MCC: variants seen among roughly 807,000 people sequenced by gnomAD.
MCC encodes colorectal mutant cancer protein.
A neutral mutation model predicts 116.2 loss-of-function variants in MCC; 90 were observed. The observed-to-expected ratio is 0.77, with a 90% confidence interval of 0.65 to 0.92. MCC has a LOEUF of 0.92. Ranked by LOEUF, MCC falls within the 40% of genes least tolerant of loss-of-function variation. The pLI, the probability that MCC is intolerant of heterozygous loss-of-function variation, is 0.00. For synonymous variants in MCC, 578 were observed against 510.5 expected (o/e 1.13, Z -1.78); for missense variants, 1,516 against 1,312.2 (o/e 1.16, Z -2.40).
intron 2 of MCC, among the ~76,000 whole-genome samples, chr5:113,362,580 C>T (rs926304836): frequency 3.0e-4 from 46 of 152,028 alleles, no homozygotes; most frequent in African/African-American, 1.1e-3. Context: ...ATGCTAATAT[C>T]TCTCATAATG....
chr5:113,334,382 A>AT (rs1767819954), intron 3 of MCC, among the ~76,000 whole-genome samples: 2 of 150,778 alleles, frequency 1.3e-5, no homozygotes, highest in East Asian at 1.9e-4. Context: ...TAATATTTGT[A>AT]TTTTTTGTAG....
rs148284009 is a variant in MCC at position 113,183,269 on chromosome 5, G to A, written c.628-31847C>T. On this transcript the variant is annotated intron_variant, in intron 3 of 18. Coordinates refer to ENST00000408903, the MANE Select transcript of MCC (RefSeq NM_001085377.2). ...TCTGGAAAATCTAAGCTGTGTGTGC[G>A]TGTGTGTTTGTGTGTGGAGGGGAAG... Among the ~76,000 whole-genome samples the A allele has an allele frequency of 1.1e-3, 162 of 152,292 alleles. 1 individual carries two copies. The highest frequency in any genetic ancestry group is 3.6e-3 in the African/African-American group (149 of 41,556).
chr5:113,078,030 T>C (rs749187642), intron 11 of MCC, among the ~76,000 whole-genome samples: 8 of 152,168 alleles, frequency 5.3e-5, no homozygotes, highest in Non-Finnish European at 1.2e-4. Flanking sequence ...TAAACACCTC[T>C]ACACAAATAA....
intron 1 of MCC, among the ~76,000 whole-genome samples, chr5:113,477,987 G>C (rs1187505086): frequency 6.6e-6 from 1 of 152,202 alleles, no homozygotes; most frequent in Non-Finnish European, 1.5e-5. Context: ...GGAATTGGCA[G>C]ATAAGAATTT....
chr5:113,161,977 G>A (rs1760511105), intron 3 of MCC, among the ~76,000 whole-genome samples: 1 of 152,234 alleles, frequency 6.6e-6, no homozygotes, highest in Admixed American at 6.5e-5. Context: ...GCTGCTGACG[G>A]ATGGGCCATT....
chr5:113,150,176 A>G (rs1035346138), intron 4 of MCC, among the ~76,000 whole-genome samples: 1 of 152,200 alleles, frequency 6.6e-6, no homozygotes, highest in African/African-American at 2.4e-5. Context: ...AGCAGGTAAA[A>G]GGAACAGAGC....
intron 1 of MCC, among the ~76,000 whole-genome samples, chr5:113,467,052 T>G (rs1022897998): frequency 6.6e-6 from 1 of 150,400 alleles, no homozygotes; most frequent in Non-Finnish European, 1.5e-5. Context: ...TCTTGTAAAT[T>G]TGTTTGAGTT....
chr5:113,046,710 A>AAAAAAAAAAAAAGAG lies in MCC; in HGVS notation c.2655+2382_2655+2383insCTCTTTTTTTTTTTT. Among the ~76,000 whole-genome samples, 61 of 102,448 alleles carry AAAAAAAAAAAAAGAG rather than the reference A, an allele frequency of 6.0e-4. 3 individuals are homozygous for AAAAAAAAAAAAAGAG. The highest frequency in any genetic ancestry group is 2.2e-3 in the African/African-American group (55 of 25,072). The allele number at this position is 102,448 out of a possible 152,430, so 67.2% of individuals were successfully genotyped here. A position where few individuals can be genotyped will look rare whatever the true frequency, so the allele number is the denominator to read the frequency against. ...CAAAAAAAAAAAAAAAAAAAAAAAA[A>AAAAAAAAAAAAAGAG]AGAGAGAGATTTTGAAGGTGTTTGT... On this transcript the variant is annotated intron_variant, in intron 16 of 18. Coordinates refer to ENST00000408903, the MANE Select transcript of MCC (RefSeq NM_001085377.2).
chr5:113,158,884 C>T (rs374810292), intron 3 of MCC, among the ~76,000 whole-genome samples: 4 of 152,304 alleles, frequency 2.6e-5, no homozygotes, highest in African/African-American at 9.6e-5. Flanking sequence ...CAACATACCA[C>T]GGCTCTCCCT....
At chr5:113,311,601 G>A (rs2150368176) in intron 3 of MCC, among the ~76,000 whole-genome samples, 1 of 152,260 alleles carries the variant, frequency 6.6e-6, no homozygotes. Flanking sequence ...ATTGGTGAAT[G>A]TCACTGATAT....
At chr5:113,296,959 G>A (rs1766729874) in intron 3 of MCC, among the ~76,000 whole-genome samples, 1 of 152,188 alleles carries the variant, frequency 6.6e-6, no homozygotes, top group African/African-American at 2.4e-5. Flanking sequence ...AAAACTAGCA[G>A]TGTTGAACTT....
At chr5:113,305,229 T>A (rs1766960423) in intron 3 of MCC, among the ~76,000 whole-genome samples, 1 of 152,166 alleles carries the variant, frequency 6.6e-6, no homozygotes, top group African/African-American at 2.4e-5. Context: ...GGCTCCTGCC[T>A]ACTTTGATAA....
intron 3 of MCC, among the ~76,000 whole-genome samples, chr5:113,297,489 T>C (rs1581381702): frequency 6.6e-6 from 1 of 151,996 alleles, no homozygotes; most frequent in African/African-American, 2.4e-5. Flanking sequence ...CGCTTGAACC[T>C]GGGAGATGGA....
At chr5:113,098,473 T>C (rs1373486208) in intron 8 of MCC, among the ~76,000 whole-genome samples, 3 of 152,238 alleles carry the variant, frequency 2.0e-5, no homozygotes, top group Non-Finnish European at 2.9e-5. Flanking sequence ...AAGTAATTCC[T>C]TTACAGAGTA....
rs1317928206 is a variant in MCC, at chr5:113,132,481, C to CAT, written c.885-9657_885-9656dup. 2.3e-4 allele frequency among the ~76,000 whole-genome samples: 22 copies of CAT among 96,480 alleles called. No homozygotes were observed. In the East Asian group the frequency reaches 3.2e-3, roughly 14 times the overall value. The allele number at this position is 96,480 out of a possible 152,430, so 63.3% of individuals were successfully genotyped here. A position where few individuals can be genotyped will look rare whatever the true frequency, so the allele number is the denominator to read the frequency against. ...ACACACACACACACACACACACATA[C>CAT]ATATATATATACAAGCAAGAAAATA... On this transcript the variant is annotated intron_variant, in intron 5 of 18. Coordinates refer to ENST00000408903, the MANE Select transcript of MCC (RefSeq NM_001085377.2).
rs980584166 is a variant in MCC, at chr5:113,101,884, C to G, written c.1253G>C (p.Arg418Thr). 1.9e-6 allele frequency: 3 copies of G among 1,613,920 alleles called. No homozygotes were observed. In the Admixed American group the frequency reaches 5.0e-5, roughly 27 times the overall value. ...RDLYPNLAEE[R>T]SRWEKELAGL... ...AGCCAGCTCCTTCTCCCACCGAGACCTCTCTTCAGCCAGGTTGGGATACAG... is the reference window on the plus strand; with the variant it reads ...AGCCAGCTCCTTCTCCCACCGAGACGTCTCTTCAGCCAGGTTGGGATACAG... Residue 418 changes from arginine to threonine, a missense_variant, in exon 8 of 19, where the codon AGG (arginine) becomes ACG (threonine). Physicochemically the swap from Arg to Thr is moderately conservative, Grantham distance 71. Coordinates refer to ENST00000408903, the MANE Select transcript of MCC (RefSeq NM_001085377.2).
chr5:113,151,396 T>C lies in MCC; in HGVS notation c.654A>G (p.Leu218=). The C allele has an allele frequency of 6.2e-7, 1 of 1,612,112 alleles. No individual in the cohort carries two copies. ...TATTAAGTTCCACTATATCTCCCTT[T>C]AGTGATGCCAGGGCTGCTGAATGGA... is the stretch of plus-strand genomic sequence containing the variant. The part of the protein sequence containing the change: ...NTLHSAALAS[L]KGDIVELNKR... Residue 218 remains leucine, a synonymous_variant, in exon 4 of 19, where the codon CTA becomes CTG. Coordinates refer to ENST00000408903, the MANE Select transcript of MCC (RefSeq NM_001085377.2).
intron 8 of MCC, among the ~76,000 whole-genome samples, chr5:113,085,790 C>T (rs1208851770): frequency 1.3e-5 from 2 of 152,108 alleles, no homozygotes; most frequent in Non-Finnish European, 2.9e-5. Flanking sequence ...CTCCTGGGCT[C>T]AAGGGATCCT....
At chr5:113,446,562 T>C (rs968028758) in intron 1 of MCC, among the ~76,000 whole-genome samples, 1 of 152,096 alleles carries the variant, frequency 6.6e-6, no homozygotes, top group Admixed American at 6.6e-5. Context: ...CTCACACCAG[T>C]CAGAATGGTT....
Sources: gnomAD v4.1 joint callset for allele counts (sites outside exome capture counted in the v4.1 genomes callset) on GRCh38, gnomAD v4.1.1 for gene constraint, MANE v1.5 for transcripts, NCBI Gene and HGNC (gene_info 2026-07-23, HGNC 2026-07-21) for gene names.